The following SIPA1L1 variants were observed in gnomAD, a reference collection of about 807,000 sequenced individuals.
SIPA1L1 encodes signal-induced proliferation-associated 1-like protein 1.
Under a neutral mutation model 162.7 loss-of-function variants are expected in SIPA1L1, and 26 were observed. That is an observed-to-expected ratio of 0.16 (90% CI 0.12 to 0.22). The LOEUF (loss-of-function observed/expected upper bound fraction) is 0.22. SIPA1L1 is among the 10% of genes least tolerant of loss of function. The probability of loss-of-function intolerance (pLI) is 1.00; values close to 1 mark genes in which losing one functional copy is unlikely to be tolerated. For synonymous variants in SIPA1L1, 829 were observed against 837.4 expected (o/e 0.99, Z 0.17); for missense variants, 1,874 against 2,241.0 (o/e 0.84, Z 3.31).
chr14:71,491,761 AACACACAC>A (rs59275638), intron 2 of SIPA1L1, among the ~76,000 whole-genome samples: 5,485 of 97,932 alleles, frequency 0.056, 122 homozygotes, highest in African/African-American at 0.08. Context: ...TTTTATTTCA[AACACACAC>A]ACACACACAC....
At position 71,340,839 on chromosome 14, in the gene SIPA1L1, TGAGGCAG is replaced by T. The variant is rs999101471; in HGVS notation, c.-465+19662_-465+19668del. Among the ~76,000 whole-genome samples the T allele has an allele frequency of 2.0e-5, 3 of 152,182 alleles. 1 individual carries two copies. The highest frequency in any genetic ancestry group is 2.0e-4 in the Admixed American group (3 of 15,280). Reference sequence around the variant, plus strand: ...CTGTAGTCCCAGCTTTTCAGGAGGCTGAGGCAGGAGACTTGCTTGAACCCGGGAGGCA... The same window carrying T: ...CTGTAGTCCCAGCTTTTCAGGAGGCTGAGACTTGCTTGAACCCGGGAGGCA... On this transcript the variant is annotated intron_variant, in intron 2 of 23. Transcript: ENST00000381232.
In SIPA1L1 at chr14:71,436,362, T is replaced by C. The variant is rs185695394; in HGVS notation, c.-464-76381T>C. 2.3e-3 allele frequency among the ~76,000 whole-genome samples: 351 copies of C among 152,296 alleles called. 3 individuals are homozygous for C. The highest frequency in any genetic ancestry group is 7.8e-3 in the African/African-American group (324 of 41,574). On this transcript the variant is annotated intron_variant, in intron 2 of 23. Transcript: ENST00000381232. Reference sequence around the variant, plus strand: ...TTAGGTCTTAGGCTCTTCAAGATTATGAAAAAATATCTTGCTTTTAATACT... The same window carrying C: ...TTAGGTCTTAGGCTCTTCAAGATTACGAAAAAATATCTTGCTTTTAATACT...
chr14:71,674,563 TTTTTTTG>T (rs1566622791), intron 12 of SIPA1L1, among the ~76,000 whole-genome samples: 1 of 149,606 alleles, frequency 6.7e-6, no homozygotes, highest in African/African-American at 2.5e-5. Flanking sequence ...TTTTTTTGTT[TTTTTTTG>T]TTTTTTTTTT....
chr14:71,431,895 A>G (rs771136196), intron 2 of SIPA1L1, among the ~76,000 whole-genome samples: 1 of 152,142 alleles, frequency 6.6e-6, no homozygotes, highest in Non-Finnish European at 1.5e-5. Context: ...AGAAGCTTTC[A>G]AAATGAAAAC....
In SIPA1L1 at chr14:71,589,342, C is replaced by T. The variant is rs1272264230; in HGVS notation, c.1470C>T (p.Tyr490=). Residue 490 remains tyrosine, a synonymous_variant, in exon 5 of 24, where the codon TAC becomes TAT. Coordinates refer to ENST00000381232, the MANE Select transcript of SIPA1L1 (RefSeq NM_001386936.1). ...YIVEHVDLGA[Y]YYRKFFYQKE... is the part of the protein sequence containing the mutation. ...TGGAACACGTAGATCTGGGTGCATA[C>T]TATTATAGAAAATTTTTCTACCAGA... 1 of 1,607,766 alleles carries T rather than the reference C, an allele frequency of 6.2e-7. No homozygotes were observed. The highest frequency in any genetic ancestry group is 1.3e-5 in the African/African-American group (1 of 74,742).
chr14:71,725,886 G>A (rs897014174), intron 19 of SIPA1L1, among the ~76,000 whole-genome samples: 8 of 152,208 alleles, frequency 5.3e-5, no homozygotes, highest in Admixed American at 3.9e-4. Context: ...GAAGAACCTT[G>A]AGAATTGAAT....
intron 20 of SIPA1L1, among the ~76,000 whole-genome samples, chr14:71,732,014 G>A (rs1187784297): frequency 6.6e-6 from 1 of 152,196 alleles, no homozygotes; most frequent in East Asian, 1.9e-4. Flanking sequence ...GGGCAGAAGG[G>A]TTGTGAGTTA....
At chr14:71,469,043 A>G (rs2047242351) in intron 2 of SIPA1L1, among the ~76,000 whole-genome samples, 5 of 152,118 alleles carry the variant, frequency 3.3e-5, no homozygotes, top group Admixed American at 3.3e-4. Flanking sequence ...TTTTCAAGCC[A>G]TGTGTGTTAT....
intron 13 of SIPA1L1, among the ~76,000 whole-genome samples, chr14:71,690,387 C>T (rs149301048): frequency 1.6e-4 from 24 of 152,132 alleles, no homozygotes; most frequent in Admixed American, 5.9e-4. Context: ...TGCAGGTGCA[C>T]GCCACACCAC....
Position 71,405,717 on chromosome 14 carries a change from G to C in SIPA1L1, c.-465+84536G>C, listed in dbSNP as rs1484954155. Among the ~76,000 whole-genome samples the C allele has an allele frequency of 2.0e-5, 3 of 152,148 alleles. 1 individual carries two copies. The highest frequency in any genetic ancestry group is 1.9e-4 in the East Asian group (1 of 5,198). ...GTGGGAATTGAGGCTTAAGGGACTAGCACCAAAAAATACTGATACTTTGGC... is the reference window on the plus strand; with the variant it reads ...GTGGGAATTGAGGCTTAAGGGACTACCACCAAAAAATACTGATACTTTGGC... On this transcript the variant is annotated intron_variant, in intron 2 of 23. Coordinates refer to ENST00000381232, the MANE Select transcript of SIPA1L1 (RefSeq NM_001386936.1).
At chr14:71,442,037 G>C (rs138093185) in intron 2 of SIPA1L1, among the ~76,000 whole-genome samples, 2 of 151,938 alleles carry the variant, frequency 1.3e-5, no homozygotes, top group South Asian at 2.1e-4. Context: ...GGTAGGCATG[G>C]TGGTGCATAC....
chr14:71,404,739 T>C (rs2041923965), intron 2 of SIPA1L1, among the ~76,000 whole-genome samples: 1 of 152,248 alleles, frequency 6.6e-6, no homozygotes, highest in Non-Finnish European at 1.5e-5. Context: ...AATTCTGTTA[T>C]TTGATCCTAA....
intron 5 of SIPA1L1, among the ~76,000 whole-genome samples, chr14:71,603,960 T>C (rs1234188007): frequency 1.4e-5 from 2 of 143,958 alleles, no homozygotes; most frequent in African/African-American, 5.2e-5. Context: ...TTTATATATA[T>C]TTATATATAG....
chr14:71,628,358 A>G (rs1312894720), intron 7 of SIPA1L1, among the ~76,000 whole-genome samples: 1 of 152,246 alleles, frequency 6.6e-6, no homozygotes, highest in Non-Finnish European at 1.5e-5. Context: ...AGCACTTAGT[A>G]CAGTGCTGAG....
chr14:71,595,435 T>C (rs1399643430), intron 5 of SIPA1L1, among the ~76,000 whole-genome samples: 1 of 152,214 alleles, frequency 6.6e-6, no homozygotes, highest in Non-Finnish European at 1.5e-5. Flanking sequence ...CTAGTTTTAC[T>C]TCAACTCCCA....
At chr14:71,464,282 C>T (rs1383619373) in intron 2 of SIPA1L1, among the ~76,000 whole-genome samples, 1 of 152,120 alleles carries the variant, frequency 6.6e-6, no homozygotes, top group Admixed American at 6.6e-5. Flanking sequence ...CCTTTTAATC[C>T]ATATTTCAGG....
At chr14:71,619,925 C>T (rs539566881) in intron 6 of SIPA1L1, among the ~76,000 whole-genome samples, 2 of 152,280 alleles carry the variant, frequency 1.3e-5, no homozygotes, top group South Asian at 4.1e-4. Context: ...CTCTCATGTG[C>T]TTTTTCTCCA....
intron 3 of SIPA1L1, among the ~76,000 whole-genome samples, chr14:71,518,371 AGT>A (rs1454858600): frequency 2.0e-5 from 3 of 152,292 alleles, no homozygotes; most frequent in Non-Finnish European, 4.4e-5. Context: ...ACAGGAATCT[AGT>A]TTAATTTCCC....
chr14:71,590,542 T>A (rs1239637776), intron 5 of SIPA1L1, among the ~76,000 whole-genome samples: 3 of 152,194 alleles, frequency 2.0e-5, no homozygotes, highest in Non-Finnish European at 4.4e-5. Context: ...TATCTTAATA[T>A]TACTACATGA....
Sources: gnomAD v4.1 joint callset for allele counts (sites outside exome capture counted in the v4.1 genomes callset) on GRCh38, gnomAD v4.1.1 for gene constraint, MANE v1.5 for transcripts, NCBI Gene and HGNC (gene_info 2026-07-23, HGNC 2026-07-21) for gene names.